FNBP1L: variants seen among roughly 807,000 people sequenced by gnomAD.
FNBP1L encodes formin-binding protein 1-like.
A neutral mutation model predicts 91.2 loss-of-function variants in FNBP1L; 36 were observed. The ratio of observed to expected loss-of-function variants is 0.39; its 90% CI spans 0.30 to 0.52. FNBP1L has a LOEUF of 0.52. Ranked by LOEUF, FNBP1L falls within the 20% of genes least tolerant of loss-of-function variation. The pLI, the probability that FNBP1L is intolerant of heterozygous loss-of-function variation, is 0.66. For missense variants in FNBP1L, 571 were observed against 732.1 expected (o/e 0.78, Z 2.54); for synonymous variants, 242 against 237.0 (o/e 1.02, Z -0.19).
At chr1:93,516,408 C>T (rs1213709807) in intron 2 of FNBP1L, among the ~76,000 whole-genome samples, 3 of 152,178 alleles carry the variant, frequency 2.0e-5, no homozygotes, top group African/African-American at 7.2e-5. Context: ...ATTCAAGTTC[C>T]ACCCACAGGA....
chr1:93,542,188 A>G (rs1672069389), intron 11 of FNBP1L, among the ~76,000 whole-genome samples: 1 of 152,124 alleles, frequency 6.6e-6, no homozygotes, highest in East Asian at 1.9e-4. Context: ...AGGCGGGAGG[A>G]TTGGTTGAGC....
chr1:93,483,268 A>G (rs1233342137), intron 1 of FNBP1L, among the ~76,000 whole-genome samples: 2 of 151,988 alleles, frequency 1.3e-5, no homozygotes, highest in Non-Finnish European at 2.9e-5. Flanking sequence ...TTCGATGTTG[A>G]ATAAAGAATT....
intron 1 of FNBP1L, among the ~76,000 whole-genome samples, chr1:93,479,481 T>C (rs1482637132): frequency 2.0e-5 from 3 of 152,108 alleles, no homozygotes; most frequent in Non-Finnish European, 2.9e-5. Flanking sequence ...GTGGGGTTTT[T>C]CCCCACTCTA....
chr1:93,536,179 G>A (rs1671841889), intron 9 of FNBP1L, among the ~76,000 whole-genome samples, 153 bp from the exon 10 acceptor site: 1 of 151,688 alleles, frequency 6.6e-6, no homozygotes, highest in African/African-American at 2.4e-5. Context: ...AATAGTTTTG[G>A]GCAAAACTAT....
intron 6 of FNBP1L, among the ~76,000 whole-genome samples, chr1:93,530,491 GCTATCAGGGAATA>G (rs1388859586): frequency 6.6e-6 from 1 of 151,968 alleles, no homozygotes; most frequent in African/African-American, 2.4e-5. Flanking sequence ...ATGTCTTATT[GCTATCAGGGAATA>G]CTATTGTAAT....
At chr1:93,460,471 A>G (rs912629691) in intron 1 of FNBP1L, among the ~76,000 whole-genome samples, 3 of 152,228 alleles carry the variant, frequency 2.0e-5, no homozygotes, top group African/African-American at 7.2e-5. Flanking sequence ...ACAGGAGGCA[A>G]CGTAAATGTC....
At chr1:93,464,898 T>A (rs1004882912) in intron 1 of FNBP1L, among the ~76,000 whole-genome samples, 1 of 152,160 alleles carries the variant, frequency 6.6e-6, no homozygotes, top group Admixed American at 6.5e-5. Flanking sequence ...TTTCTATTAC[T>A]TCTGTCAGGT....
chr1:93,495,892 C>A (rs1221112986), intron 1 of FNBP1L, among the ~76,000 whole-genome samples: 1 of 152,114 alleles, frequency 6.6e-6, no homozygotes, highest in African/African-American at 2.4e-5. Flanking sequence ...ACTTAAAATT[C>A]TTAGAAACAG....
chr1:93,451,596 G>A (rs1294211029), intron 1 of FNBP1L, among the ~76,000 whole-genome samples: 1 of 151,906 alleles, frequency 6.6e-6, no homozygotes, highest in Admixed American at 6.6e-5. Flanking sequence ...TATAATCTTT[G>A]GCCCTTAGTT....
In FNBP1L at chr1:93,544,022, A is replaced by G. The variant is rs1024811822; in HGVS notation, c.1165-85A>G. 1.4e-5 allele frequency: 13 copies of G among 902,636 alleles called. No individual in the cohort carries two copies. The African/African-American group carries it at 2.2e-4, about 16-fold the overall frequency. 55.9% of individuals were successfully genotyped at this position (902,636 alleles called of 1,614,324 possible). On this transcript the variant is annotated intron_variant, in intron 11 of 16. Coordinates refer to ENST00000271234, the MANE Select transcript of FNBP1L (RefSeq NM_001164473.3). ...ATTTGAAATTAAACTTAAGATTGGT[A>G]TGTATTCTTATTTTATAGCAGGTAT... is the stretch of plus-strand genomic sequence containing the variant.
At chr1:93,492,664 A>G (rs1670134860) in intron 1 of FNBP1L, among the ~76,000 whole-genome samples, 1 of 152,254 alleles carries the variant, frequency 6.6e-6, no homozygotes, top group Non-Finnish European at 1.5e-5. Flanking sequence ...ACGGAGCAAC[A>G]AAGCAAGACC....
intron 1 of FNBP1L, among the ~76,000 whole-genome samples, chr1:93,450,979 G>C (rs963888816): frequency 3.9e-5 from 6 of 152,190 alleles, no homozygotes; most frequent in Non-Finnish European, 8.8e-5. Flanking sequence ...GTAGTTGTTA[G>C]GGGATATGAA....
At chr1:93,519,574 C>T (rs949787303) in intron 2 of FNBP1L, among the ~76,000 whole-genome samples, 1 of 152,082 alleles carries the variant, frequency 6.6e-6, no homozygotes, top group Non-Finnish European at 1.5e-5. Context: ...TTATTGCTCA[C>T]CTGTAAAAAA....
chr1:93,455,111 G>A (rs924243395), intron 1 of FNBP1L, among the ~76,000 whole-genome samples: 15 of 152,060 alleles, frequency 9.9e-5, no homozygotes, highest in African/African-American at 3.4e-4. Context: ...TGTATTTTTA[G>A]TAGAGACGGG....
intron 1 of FNBP1L, among the ~76,000 whole-genome samples, chr1:93,481,592 G>A (rs1267363257): frequency 2.0e-5 from 3 of 152,078 alleles, no homozygotes; most frequent in Middle Eastern, 3.4e-3. Context: ...ATGAACATAC[G>A]GTAAAATTCA....
At chr1:93,488,831 G>A (rs995003746) in intron 1 of FNBP1L, among the ~76,000 whole-genome samples, 5 of 152,180 alleles carry the variant, frequency 3.3e-5, no homozygotes, top group African/African-American at 1.2e-4. Flanking sequence ...AACCAGGAAT[G>A]CCTAATAAAA....
chr1:93,553,560 T>C lies in FNBP1L; in HGVS notation c.*1144T>C, dbSNP rs566015917. On this transcript the variant is annotated 3_prime_UTR_variant, in exon 17 of 17. Coordinates refer to ENST00000271234, the MANE Select transcript of FNBP1L (RefSeq NM_001164473.3). ...TTTATGGGCCTCCCCCAATTGTCTT[T>C]TTATTTTGGGTTATGACGATCATGT... 2.0e-5 allele frequency: 3 copies of C among 152,776 alleles called. No individual in the cohort carries two copies. The East Asian group carries it at 5.8e-4, about 29-fold the overall frequency. The allele number at this position is 152,776 out of a possible 1,614,324, so 9.5% of individuals were successfully genotyped here.
At chr1:93,506,304 G>A (rs1012581271) in intron 2 of FNBP1L, among the ~76,000 whole-genome samples, 3 of 152,050 alleles carry the variant, frequency 2.0e-5, no homozygotes, top group Non-Finnish European at 2.9e-5. Context: ...GTGCAGACTG[G>A]CTTTCTCCAT....
chr1:93,466,651 G>T (rs1669090367), intron 1 of FNBP1L, among the ~76,000 whole-genome samples: 1 of 152,072 alleles, frequency 6.6e-6, no homozygotes, highest in Non-Finnish European at 1.5e-5. Context: ...CTCCAGCTTT[G>T]TTCTTTTTGC....
Sources: allele counts gnomAD v4.1 joint callset (sites outside exome capture counted in the v4.1 genomes callset), GRCh38; gene constraint gnomAD v4.1.1; transcripts MANE v1.5; gene names NCBI Gene and HGNC (gene_info 2026-07-23, HGNC 2026-07-21).